Variants in BARD1 observed in about 807,000 individuals in gnomAD.
BARD1 encodes BRCA1 associated RING domain 1.
In BARD1, 73 loss-of-function variants were observed where a neutral mutation model predicts 77.0. The ratio of observed to expected loss-of-function variants is 0.95; its 90% CI spans 0.79 to 1.15. The LOEUF (loss-of-function observed/expected upper bound fraction) is 1.15, where lower values mean the gene tolerates loss of function less well. BARD1 is among the 50% of genes most tolerant of loss of function. BARD1 has a pLI of 0.00. For synonymous variants in BARD1, 384 were observed against 338.0 expected (o/e 1.14, Z -1.49); for missense variants, 993 against 938.8 (o/e 1.06, Z -0.75).
At chr2:214,754,316 T>A (rs534251616) in intron 6 of BARD1, among the ~76,000 whole-genome samples, 1 of 150,400 alleles carries the variant, frequency 6.6e-6, no homozygotes, top group South Asian at 2.1e-4. Flanking sequence ...TACTCCAGCC[T>A]GAGCAAGAGA....
chr2:214,771,790 CA>C (rs1433900825), intron 4 of BARD1, among the ~76,000 whole-genome samples: 3 of 151,862 alleles, frequency 2.0e-5, no homozygotes, highest in African/African-American at 7.3e-5. Context: ...GGCTGTTTCT[CA>C]AATCTTCAGT....
chr2:214,794,299 A>T (rs1341728863), intron 2 of BARD1, among the ~76,000 whole-genome samples: 1 of 152,164 alleles, frequency 6.6e-6, no homozygotes, highest in Non-Finnish European at 1.5e-5. Context: ...TTGGTGTAGT[A>T]TTAAAGAAGA....
intron 3 of BARD1, among the ~76,000 whole-genome samples, chr2:214,785,714 A>G (rs1471598825): frequency 6.7e-6 from 1 of 150,116 alleles, no homozygotes; most frequent in African/African-American, 2.4e-5. Flanking sequence ...TTTCAGGCCC[A>G]GAAAAAAAAA....
At position 214,792,070 on chromosome 2, in the gene BARD1, G is replaced by T. The variant is rs189989310; in HGVS notation, c.364+227C>A. Among the ~76,000 whole-genome samples the T allele has an allele frequency of 7.9e-5, 12 of 151,730 alleles. No individual in the cohort carries two copies. The Middle Eastern group carries it at 0.017, about 215-fold the overall frequency. ...CGGGTGTGTCACATGCATGTACCAG[G>T]GAGGCTGAGGTGGGGGGAATCCCTT... On this transcript the variant is annotated intron_variant, in intron 3 of 10. Transcript: ENST00000260947.
rs1559436974 is a variant in BARD1, at chr2:214,792,360, G to A, written c.301C>T (p.Leu101=). 1 of 1,611,906 alleles carries A rather than the reference G, an allele frequency of 6.2e-7. No individual in the cohort carries two copies. Among genetic ancestry groups the A allele is most frequent in the Non-Finnish European group, 8.5e-7 (1 of 1,179,312 alleles). Residue 101 remains leucine, a synonymous_variant, in exon 3 of 11, where the codon CTG becomes TTG. Coordinates refer to ENST00000260947, the MANE Select transcript of BARD1 (RefSeq NM_000465.4). ...WIQDLKINRQ[L]DSMIQLCSKL... is the part of the protein sequence containing the mutation. ...CTACAAAGTTGAATCATGCTGTCCAGTTGTCTATTTATCTTCAAGTCTTGT... is the reference window on the plus strand; with the variant it reads ...CTACAAAGTTGAATCATGCTGTCCAATTGTCTATTTATCTTCAAGTCTTGT...
At chr2:214,750,013 T>A (rs1471813370) in intron 7 of BARD1, among the ~76,000 whole-genome samples, 1 of 152,120 alleles carries the variant, frequency 6.6e-6, no homozygotes. Flanking sequence ...TATGAGAGTA[T>A]CAAACTGTAG....
intron 6 of BARD1, among the ~76,000 whole-genome samples, chr2:214,757,453 C>T (rs1431550944): frequency 1.3e-5 from 2 of 151,922 alleles, no homozygotes; most frequent in Non-Finnish European, 2.9e-5. Flanking sequence ...TTGCTTTTTG[C>T]TATCTAAAAT....
At chr2:214,733,631 C>G (rs570466844) in intron 9 of BARD1, among the ~76,000 whole-genome samples, 3 of 152,276 alleles carry the variant, frequency 2.0e-5, no homozygotes, top group Non-Finnish European at 4.4e-5. Flanking sequence ...TTTCAATAAT[C>G]TAATCCTGAA....
intron 2 of BARD1, among the ~76,000 whole-genome samples, chr2:214,793,642 A>C (rs1362503851): frequency 6.6e-6 from 1 of 152,190 alleles, no homozygotes; most frequent in Non-Finnish European, 1.5e-5. Flanking sequence ...AATGAGATCC[A>C]GTTATTTAAG....
intron 1 of BARD1, 60 bp downstream of exon 1, chr2:214,809,352 G>T: frequency 6.3e-7 from 1 of 1,599,514 alleles, no homozygotes; most frequent in Non-Finnish European, 8.5e-7. Flanking sequence ...AGATTCTGCC[G>T]CCCCCAGAAA....
chr2:214,763,756 A>G (rs537069183), intron 6 of BARD1, among the ~76,000 whole-genome samples: 105 of 152,294 alleles, frequency 6.9e-4, no homozygotes, highest in African/African-American at 2.5e-3. Flanking sequence ...CAGATTCCAG[A>G]ATTTGAGATG....
intron 6 of BARD1, among the ~76,000 whole-genome samples, chr2:214,761,412 C>CA (rs1476704591): frequency 6.6e-6 from 1 of 151,830 alleles, no homozygotes; most frequent in Non-Finnish European, 1.5e-5. Context: ...ATCATAAATG[C>CA]AAAATTCCTA....
At chr2:214,795,874 G>T (rs1020740644) in intron 2 of BARD1, among the ~76,000 whole-genome samples, 1 of 152,094 alleles carries the variant, frequency 6.6e-6, no homozygotes, top group Non-Finnish European at 1.5e-5. Flanking sequence ...CATCCAAACA[G>T]ACGTATCTGG....
chr2:214,791,673 T>C (rs1695520544), intron 3 of BARD1, among the ~76,000 whole-genome samples: 1 of 152,208 alleles, frequency 6.6e-6, no homozygotes, highest in Non-Finnish European at 1.5e-5. Context: ...ATTTCTGCTC[T>C]TTCAAAATGT....
At chr2:214,774,477 G>A (rs141336360) in intron 4 of BARD1, among the ~76,000 whole-genome samples, 144 of 152,250 alleles carry the variant, frequency 9.5e-4, no homozygotes, top group African/African-American at 3.2e-3. Context: ...AGAACACTTG[G>A]GTGACTAGGT....
intron 2 of BARD1, among the ~76,000 whole-genome samples, chr2:214,795,748 C>T (rs1300123200): frequency 6.6e-6 from 1 of 152,194 alleles, no homozygotes; most frequent in African/African-American, 2.4e-5. Flanking sequence ...AGCAACCTAG[C>T]AGTAACTGGT....
intron 7 of BARD1, among the ~76,000 whole-genome samples, chr2:214,748,218 C>A (rs776131451): frequency 3.3e-5 from 5 of 152,152 alleles, no homozygotes; most frequent in Admixed American, 2.0e-4. Flanking sequence ...GAAACTGGCA[C>A]TAATTTCTCA....
rs876659045 is a variant in BARD1, at chr2:214,797,105, C to G, written c.171G>C (p.Leu57=). 1.9e-6 allele frequency: 3 copies of G among 1,612,810 alleles called. No individual in the cohort carries two copies. Among genetic ancestry groups the G allele is most frequent in the Non-Finnish European group, 2.5e-6 (3 of 1,179,110 alleles). The change falls in exon 2 of 11, where the codon CTG becomes CTC. Residue 57 remains leucine, a synonymous_variant. Coordinates refer to ENST00000260947, the MANE Select transcript of BARD1 (RefSeq NM_000465.4). ...LLRCSRCTNI[L]REPVCLGGCE... is the part of the protein sequence containing the mutation. ...ATCCTCCTAAACACACAGGCTCTCT[C>G]AGAATGTTAGTACTGTTTGAAGAAA...
At chr2:214,760,744 T>C (rs929472466) in intron 6 of BARD1, among the ~76,000 whole-genome samples, 1 of 151,792 alleles carries the variant, frequency 6.6e-6, no homozygotes, top group Non-Finnish European at 1.5e-5. Context: ...AACGTCAAAA[T>C]AGGTAAAAGT....
Sources: gnomAD v4.1 joint callset for allele counts (sites outside exome capture counted in the v4.1 genomes callset) on GRCh38, gnomAD v4.1.1 for gene constraint, MANE v1.5 for transcripts, NCBI Gene and HGNC (gene_info 2026-07-23, HGNC 2026-07-21) for gene names.